The following C6 variants were observed in gnomAD, a reference collection of about 807,000 sequenced individuals.
C6 encodes the protein complement component C6.
Under a neutral mutation model 112.9 loss-of-function variants are expected in C6, and 101 were observed. The observed-to-expected ratio is 0.89, with a 90% CI of 0.76 to 1.06. The LOEUF is 1.06. C6 is among the 50% of genes least tolerant of loss of function. The pLI is 0.00. For missense variants in C6, 1,202 were observed against 1,104.6 expected (o/e 1.09, Z -1.25); for synonymous variants, 431 against 384.1 (o/e 1.12, Z -1.43).
chr5:41,224,392 C>T (rs1739357390), intron 1 of C6, among the ~76,000 whole-genome samples: 1 of 152,094 alleles, frequency 6.6e-6, no homozygotes, highest in Non-Finnish European at 1.5e-5. Flanking sequence ...CATTAGCAGC[C>T]ACTCCCTATT....
chr5:41,198,959 A>G (rs1750808303), intron 4 of C6, among the ~76,000 whole-genome samples: 1 of 152,114 alleles, frequency 6.6e-6, no homozygotes, highest in Non-Finnish European at 1.5e-5. Flanking sequence ...ATTCATATAG[A>G]CACAAAATAT....
At chr5:41,167,717 C>T (rs1348582096) in intron 9 of C6, among the ~76,000 whole-genome samples, 1 of 152,104 alleles carries the variant, frequency 6.6e-6, no homozygotes, top group African/African-American at 2.4e-5. Flanking sequence ...GATAAGACAT[C>T]AGTTTGAAAA....
intron 8 of C6, among the ~76,000 whole-genome samples, chr5:41,173,417 A>C (rs1748591419): frequency 6.6e-6 from 1 of 152,164 alleles, no homozygotes; most frequent in Non-Finnish European, 1.5e-5. Context: ...AGGCTGAGTT[A>C]GTACTATCTG....
intron 1 of C6, among the ~76,000 whole-genome samples, chr5:41,206,744 G>A (rs370336840): frequency 2.3e-4 from 35 of 152,304 alleles, no homozygotes; most frequent in South Asian, 8.3e-4. Context: ...CCAAATCTAC[G>A]TCTGATTGGT....
At chr5:41,150,575 T>C (rs1169367016) in intron 15 of C6, among the ~76,000 whole-genome samples, 1 of 152,036 alleles carries the variant, frequency 6.6e-6, no homozygotes, top group Admixed American at 6.6e-5. Context: ...AGAGGAAACA[T>C]AAGGTATGGA....
chr5:41,198,524 G>A (rs962201907), intron 4 of C6, among the ~76,000 whole-genome samples: 9 of 152,128 alleles, frequency 5.9e-5, no homozygotes, highest in Non-Finnish European at 8.8e-5. Flanking sequence ...CAGGGAGTAC[G>A]GAGTAGCAGC....
chr5:41,193,770 A>T (rs1354278014), intron 5 of C6, among the ~76,000 whole-genome samples: 2 of 151,086 alleles, frequency 1.3e-5, no homozygotes, highest in African/African-American at 4.9e-5. Flanking sequence ...AATATCAGTT[A>T]AGAAGGTCAG....
rs1256914830 is a variant in C6, at chr5:41,181,615, G to C, written c.727-56C>G. On this transcript the variant is annotated intron_variant, in intron 6 of 17. Coordinates refer to ENST00000337836, the MANE Select transcript of C6 (RefSeq NM_000065.5). Reference sequence around the variant, plus strand: ...AATTTAGGAAATACTGGAGCGACTTGTGGATATCTAATGAAATGATGATTT... The same window carrying C: ...AATTTAGGAAATACTGGAGCGACTTCTGGATATCTAATGAAATGATGATTT... The C allele has an allele frequency of 8.3e-6, 11 of 1,324,626 alleles. No individual in the cohort carries two copies. The East Asian group carries it at 2.4e-4, about 29-fold the overall frequency. The allele number at this position is 1,324,626 out of a possible 1,614,324, so 82.1% of individuals were successfully genotyped here.
At chr5:41,238,577 AG>A (rs1292118411) in intron 1 of C6, among the ~76,000 whole-genome samples, 1 of 152,228 alleles carries the variant, frequency 6.6e-6, no homozygotes, top group Non-Finnish European at 1.5e-5. Flanking sequence ...GAAGAGACAA[AG>A]GGTTCAGGAA....
intron 1 of C6, among the ~76,000 whole-genome samples, chr5:41,211,156 A>C: frequency 6.6e-6 from 1 of 152,200 alleles, no homozygotes; most frequent in Non-Finnish European, 1.5e-5. Context: ...CAAACACTGA[A>C]TGTTCTCACT....
chr5:41,248,759 T>C (rs1236113295), intron 1 of C6, among the ~76,000 whole-genome samples: 1 of 152,206 alleles, frequency 6.6e-6, no homozygotes, highest in Non-Finnish European at 1.5e-5. Context: ...GGAAAGCAGT[T>C]TGGAGATTTC....
In C6 at chr5:41,181,571, T is replaced by A. The variant is rs201927102; in HGVS notation, c.727-12A>T. The stretch of plus-strand genomic sequence containing the variant: ...TCTGCAGTTTGTACCTGGAGAAAAA[T>A]CCATGTAAAATAAAATATAATTTAG... On this transcript the variant is annotated splice_polypyrimidine_tract_variant and intron_variant, in intron 6 of 17. Coordinates refer to ENST00000337836, the MANE Select transcript of C6 (RefSeq NM_000065.5). The A allele has an allele frequency of 1.3e-5, 21 of 1,602,618 alleles. No homozygotes were observed. Among genetic ancestry groups the A allele is most frequent in the Non-Finnish European group, 1.7e-5 (20 of 1,170,708 alleles).
At chr5:41,172,051 A>T (rs536151050) in intron 9 of C6, among the ~76,000 whole-genome samples, 174 bp downstream of exon 9, 2 of 152,294 alleles carry the variant, frequency 1.3e-5, no homozygotes, top group African/African-American at 4.8e-5. Context: ...TTCCTTTTTT[A>T]GGTAATGCTA....
chr5:41,160,236 G>A lies in C6; in HGVS notation c.1590C>T (p.Gly530=), dbSNP rs111980961. The change falls in exon 11 of 18, where the codon GGC becomes GGT. Residue 530 remains glycine, a synonymous_variant. Coordinates refer to ENST00000337836, the MANE Select transcript of C6 (RefSeq NM_000065.5). The part of the protein sequence containing the change: ...PCQCAPCPNN[G]RPTLSGTECL... ...ATTCAGTCCCTGAGAGGGTGGGTCG[G>A]CCATTATTAGGGCATGGAGCACACT... is the stretch of plus-strand genomic sequence containing the variant. 18 of 1,613,882 alleles carry A rather than the reference G, an allele frequency of 1.1e-5. No individual in the cohort carries two copies. The highest frequency in any genetic ancestry group is 9.3e-5 in the African/African-American group (7 of 75,012).
rs1554029750 is a variant in C6 at position 41,200,891 on chromosome 5, G to GTTTTGTTTTTTTTTTTT, written c.300+666_300+667insAAAAAAAAAAAACAAAA. 6.8e-4 allele frequency among the ~76,000 whole-genome samples: 48 copies of GTTTTGTTTTTTTTTTTT among 70,652 alleles called. 1 individual carries two copies. The highest frequency in any genetic ancestry group is 1.2e-3 in the Admixed American group (7 of 5,750). The allele number at this position is 70,652 out of a possible 152,430, so 46.4% of individuals were successfully genotyped here. On this transcript the variant is annotated intron_variant, in intron 3 of 17. Coordinates refer to ENST00000337836, the MANE Select transcript of C6 (RefSeq NM_000065.5). ...TGTTTTTGTTGTTGTTGTTGTTGTT[G>GTTTTGTTTTTTTTTTTT]TTTTTTTTTTTTTTTTTTTTTTTTT...
intron 1 of C6, among the ~76,000 whole-genome samples, chr5:41,205,927 G>A (rs1751401301): frequency 6.6e-6 from 1 of 152,166 alleles, no homozygotes; most frequent in Non-Finnish European, 1.5e-5. Flanking sequence ...TCCTCAAGTG[G>A]GTCCCTGACC....
At chr5:41,239,787 G>T (rs1740581175) in intron 1 of C6, among the ~76,000 whole-genome samples, 1 of 152,070 alleles carries the variant, frequency 6.6e-6, no homozygotes, top group African/African-American at 2.4e-5. Context: ...TATCTTTCAG[G>T]TCTGGTTTAG....
At chr5:41,166,309 T>G (rs1339879662) in intron 9 of C6, among the ~76,000 whole-genome samples, 1 of 152,134 alleles carries the variant, frequency 6.6e-6, no homozygotes, top group Non-Finnish European at 1.5e-5. Flanking sequence ...TTTCACAAAT[T>G]TATGCTCAAG....
intron 10 of C6, 48 bp from the exon 11 acceptor site, chr5:41,160,415 A>G: frequency 7.0e-7 from 1 of 1,428,464 alleles, no homozygotes; most frequent in East Asian, 2.3e-5. Flanking sequence ...CCCTTTGGTA[A>G]TAGGTTGCCA....
Sources: allele counts gnomAD v4.1 joint callset (sites outside exome capture counted in the v4.1 genomes callset), GRCh38; gene constraint gnomAD v4.1.1; transcripts MANE v1.5; gene names NCBI Gene and HGNC (gene_info 2026-07-23, HGNC 2026-07-21).